ACTMAP: variants seen among roughly 807,000 people sequenced by gnomAD.
ACTMAP encodes actin maturation protease, also known as UPF0692 protein C19orf54.
chr19:40,746,812 CCTT>C, the ACTMAP span, among the ~76,000 whole-genome samples: 3 of 150,636 alleles, frequency 2.0e-5, no homozygotes, highest in Non-Finnish European at 3.0e-5. Flanking sequence ...TGCCCGGCCT[CCTT>C]TTTTTTGTTG....
At chr19:40,744,814 A>T in the ACTMAP span, 1 of 1,340,094 alleles carries the variant, frequency 7.5e-7, no homozygotes, top group Non-Finnish European at 9.9e-7. Flanking sequence ...GGGAGACCTG[A>T]CTCCCCTTCA....
the ACTMAP span, chr19:40,745,181 C>T: frequency 2.9e-5 from 45 of 1,551,694 alleles, no homozygotes; most frequent in East Asian, 4.9e-5. Context: ...GAGGATCCAC[C>T]GCAGGTCACC....
chr19:40,747,867 A>C, the ACTMAP span, among the ~76,000 whole-genome samples: 2 of 152,016 alleles, frequency 1.3e-5, no homozygotes, highest in African/African-American at 4.8e-5. Flanking sequence ...CCCTGTCCCA[A>C]AAACAAACAA....
the ACTMAP span, among the ~76,000 whole-genome samples, chr19:40,745,833 C>T: frequency 4.6e-5 from 7 of 151,152 alleles, no homozygotes; most frequent in African/African-American, 1.7e-4. Flanking sequence ...CCACCACGCC[C>T]AGCTAATTTT....
chr19:40,744,496 C>G, the ACTMAP span: 6 of 1,594,612 alleles, frequency 3.8e-6, no homozygotes, highest in South Asian at 6.7e-5. Flanking sequence ...GCCAGCATCC[C>G]ACCCAGCCTC....
At chr19:40,744,277 A>C in the ACTMAP span, 1 of 1,457,996 alleles carries the variant, frequency 6.9e-7, no homozygotes, top group Admixed American at 2.3e-5. Context: ...CGATGCTTCC[A>C]ACCCTCACCA....
the ACTMAP span, among the ~76,000 whole-genome samples, chr19:40,743,503 G>C: frequency 6.6e-6 from 1 of 152,150 alleles, no homozygotes; most frequent in Non-Finnish European, 1.5e-5. Context: ...GAAGTGCTGG[G>C]ATTACAGGCG....
the ACTMAP span, chr19:40,744,479 C>A: frequency 5.8e-6 from 9 of 1,564,402 alleles, no homozygotes; most frequent in South Asian, 1.2e-5. Flanking sequence ...CACCCTGACA[C>A]ACGGCTGCCA....
At chr19:40,749,864 G>A in the ACTMAP span, 10 of 1,219,448 alleles carry the variant, frequency 8.2e-6, no homozygotes, top group Middle Eastern at 2.2e-4. Context: ...ATCCTCCAAC[G>A]GAGAACGGTC....
At chr19:40,742,685 G>C in the ACTMAP span, 3 of 1,612,992 alleles carry the variant, frequency 1.9e-6, no homozygotes, top group Admixed American at 3.3e-5. Context: ...GGCAGGGCGT[G>C]CCCAGCACTG....
At chr19:40,744,144 C>A in the ACTMAP span, 10 of 1,610,498 alleles carry the variant, frequency 6.2e-6, no homozygotes, top group Non-Finnish European at 8.5e-6. Context: ...CACCAGAGAG[C>A]AGCTTGGCCT....
the ACTMAP span, chr19:40,744,777 T>G: frequency 6.9e-7 from 1 of 1,445,518 alleles, no homozygotes; most frequent in Non-Finnish European, 9.2e-7. Context: ...CCTGGAGGAG[T>G]CCCCCTCCCC....
chr19:40,741,531 C>T, the ACTMAP span: 1 of 356,344 alleles, frequency 2.8e-6, no homozygotes, highest in Non-Finnish European at 5.6e-6. Flanking sequence ...AGGCCTGTTC[C>T]TCCTTCAGAG....
the ACTMAP span, chr19:40,744,411 A>G: frequency 2.1e-6 from 3 of 1,425,902 alleles, no homozygotes; most frequent in East Asian, 5.0e-5. Context: ...GCTCAAGTCC[A>G]TCTTGTAACC....
chr19:40,742,385 C>T, the ACTMAP span: 1 of 1,436,086 alleles, frequency 7.0e-7, no homozygotes, highest in South Asian at 1.5e-5. Flanking sequence ...TGTAGGCACA[C>T]TTCAAATGGT....
At chr19:40,746,575 C>T in the ACTMAP span, among the ~76,000 whole-genome samples, 4 of 152,266 alleles carry the variant, frequency 2.6e-5, no homozygotes, top group Non-Finnish European at 5.9e-5. Context: ...CAGGGTTTCA[C>T]CCTGTTAGCC....
the ACTMAP span, among the ~76,000 whole-genome samples, chr19:40,746,806 C>T: frequency 3.9e-5 from 6 of 152,138 alleles, no homozygotes; most frequent in East Asian, 2.0e-4. Flanking sequence ...CCACCATGCC[C>T]GGCCTCCTTT....
chr19:40,747,171 T>A, the ACTMAP span, among the ~76,000 whole-genome samples: 2 of 151,318 alleles, frequency 1.3e-5, no homozygotes, highest in African/African-American at 4.9e-5. Flanking sequence ...GTTGGGGGGG[T>A]GCGGACTCAG....
the ACTMAP span, chr19:40,750,322 G>A: frequency 1.3e-5 from 2 of 152,270 alleles, no homozygotes; most frequent in African/African-American, 4.8e-5. Context: ...AAGGACACCT[G>A]GCAGGGAAAA....
Sources: allele counts gnomAD v4.1 joint callset (sites outside exome capture counted in the v4.1 genomes callset), GRCh38; gene constraint gnomAD v4.1.1; transcripts MANE v1.5; gene names NCBI Gene and HGNC (gene_info 2026-07-23, HGNC 2026-07-21).